Variants in TTC28 observed in about 807,000 individuals in gnomAD.
The protein encoded by TTC28 is tetratricopeptide repeat domain 28.
A neutral mutation model predicts 198.0 loss-of-function variants in TTC28; 61 were observed. The observed-to-expected ratio is 0.31, with a 90% CI of 0.25 to 0.38. TTC28 has a LOEUF of 0.38. TTC28 is among the 10% of genes least tolerant of loss of function. The pLI is 1.00. For synonymous variants in TTC28, 1,171 were observed against 1,297.8 expected, an observed-to-expected ratio of 0.90 and a Z score of 2.10; for missense variants, 2,678 against 3,164.0, an observed-to-expected ratio of 0.85 and a Z score of 3.69.
chr22:28,232,869 G>C (rs914993429), intron 5 of TTC28: 1 of 152,158 alleles, frequency 6.6e-6, no homozygotes, highest in African/African-American at 2.4e-5. Context: ...GGGAGGCTAA[G>C]GTGGGTGGAT....
At chr22:28,331,768 C>A (rs728820) in intron 2 of TTC28, among the ~76,000 whole-genome samples, 2 of 152,046 alleles carry the variant, frequency 1.3e-5, no homozygotes, top group African/African-American at 4.8e-5. Flanking sequence ...ATATTTACAT[C>A]TTTTATGTGG....
chr22:28,401,277 AT>A (rs2046905483), intron 2 of TTC28, among the ~76,000 whole-genome samples: 2 of 152,104 alleles, frequency 1.3e-5, no homozygotes. Context: ...CAGCTGAACT[AT>A]TTTCAGTGGG....
chr22:28,148,730 A>C (rs1039644944), intron 6 of TTC28, among the ~76,000 whole-genome samples: 3 of 152,204 alleles, frequency 2.0e-5, no homozygotes, highest in African/African-American at 7.2e-5. Flanking sequence ...GTTTACACCA[A>C]TGAGAATGTC....
intron 5 of TTC28, among the ~76,000 whole-genome samples, chr22:28,238,654 G>T (rs1364715717): frequency 2.0e-5 from 3 of 152,072 alleles, no homozygotes; most frequent in Non-Finnish European, 4.4e-5. Context: ...AGCCTTTTTA[G>T]GGTCTCTATT....
At chr22:28,336,344 T>C (rs573722994) in intron 2 of TTC28, among the ~76,000 whole-genome samples, 1 of 152,224 alleles carries the variant, frequency 6.6e-6, no homozygotes, top group African/African-American at 2.4e-5. Context: ...AGGATAATGC[T>C]GGCCTCATAA....
intron 2 of TTC28, among the ~76,000 whole-genome samples, chr22:28,335,000 A>C (rs961420633): frequency 6.6e-6 from 1 of 152,168 alleles, no homozygotes; most frequent in Non-Finnish European, 1.5e-5. Flanking sequence ...CTAATATTTA[A>C]GTCTTTAACC....
intron 2 of TTC28, among the ~76,000 whole-genome samples, chr22:28,372,968 T>C (rs1221931475): frequency 1.3e-5 from 2 of 152,260 alleles, no homozygotes; most frequent in East Asian, 1.9e-4. Flanking sequence ...GCTGAACCCC[T>C]CTTTTCTTCT....
intron 12 of TTC28, among the ~76,000 whole-genome samples, chr22:28,034,628 C>A (rs907566058): frequency 1.3e-5 from 2 of 152,182 alleles, no homozygotes; most frequent in African/African-American, 4.8e-5. Flanking sequence ...AGTCTTCTGT[C>A]TGGAGTTAGG....
At chr22:28,161,889 T>C (rs1219378805) in intron 6 of TTC28, among the ~76,000 whole-genome samples, 1 of 34,922 alleles carries the variant, frequency 2.9e-5, no homozygotes, top group East Asian at 9.7e-4. Context: ...GAGGAAGGGA[T>C]GAAGGGAAGG....
Position 28,219,696 on chromosome 22 carries a change from C to T in TTC28, c.934-56097G>A, listed in dbSNP as rs569634039. On this transcript the variant is annotated intron_variant, in intron 5 of 22. Coordinates refer to ENST00000397906, the MANE Select transcript of TTC28 (RefSeq NM_001145418.2). Reference sequence around the variant, plus strand: ...AGATCAAGAGAGGTTAAATGACTGACGATCAAAAGAACAAAATGGGAAAAT... The same window carrying T: ...AGATCAAGAGAGGTTAAATGACTGATGATCAAAAGAACAAAATGGGAAAAT... 1.1e-4 allele frequency among the ~76,000 whole-genome samples: 17 copies of T among 152,094 alleles called. 1 individual carries two copies. In the South Asian group the frequency reaches 1.2e-3, roughly 11 times the overall value.
At chr22:28,632,837 C>T (rs2051201526) in intron 1 of TTC28, among the ~76,000 whole-genome samples, 1 of 151,124 alleles carries the variant, frequency 6.6e-6, no homozygotes, top group Admixed American at 6.6e-5. Context: ...TAAAGAATTG[C>T]AGAGTAGGCT....
intron 2 of TTC28, among the ~76,000 whole-genome samples, chr22:28,420,436 T>C (rs1415720117): frequency 6.6e-6 from 1 of 152,066 alleles, no homozygotes; most frequent in Non-Finnish European, 1.5e-5. Context: ...GCTACAATAA[T>C]TCTCAAAAAC....
In TTC28 at chr22:28,629,814, G is replaced by A; in HGVS notation, c.119C>T (p.Ala40Val). 1 of 1,549,312 alleles carries A rather than the reference G, an allele frequency of 6.5e-7. No homozygotes were observed. ...AGGACTTCTCTGGCCAATAGTGTCA[G>A]CACCAAAGAGAGGAATCTACAAACA... ...PASAPIPLFG[A>V]DTIGQRSPDG... The change falls in exon 2 of 23, where the codon GCT (alanine) becomes GTT (valine). Residue 40 changes from alanine (A) to valine (V), a missense_variant. Physicochemically the swap from Ala to Val is moderately conservative, Grantham distance 64. Coordinates refer to ENST00000397906, the MANE Select transcript of TTC28 (RefSeq NM_001145418.2).
chr22:28,190,945 C>T (rs1924680110), intron 5 of TTC28, among the ~76,000 whole-genome samples: 1 of 152,138 alleles, frequency 6.6e-6, no homozygotes, highest in African/African-American at 2.4e-5. Flanking sequence ...TAAACTATAG[C>T]TCTGACTATG....
At chr22:28,192,162 G>A (rs1183048616) in intron 5 of TTC28, among the ~76,000 whole-genome samples, 1 of 152,188 alleles carries the variant, frequency 6.6e-6, no homozygotes, top group Non-Finnish European at 1.5e-5. Flanking sequence ...CTCCGCTGCT[G>A]ATACCCAGGC....
chr22:28,027,830 C>T (rs1938895768), intron 13 of TTC28, among the ~76,000 whole-genome samples: 1 of 152,232 alleles, frequency 6.6e-6, no homozygotes. Context: ...AGGGAAGCTG[C>T]GAGGCATGTT....
chr22:28,631,792 C>T (rs1418931174), intron 1 of TTC28, among the ~76,000 whole-genome samples: 1 of 152,112 alleles, frequency 6.6e-6, no homozygotes, highest in African/African-American at 2.4e-5. Flanking sequence ...TCCCAAACTG[C>T]TGGGACTACA....
chr22:28,140,245 C>T lies in TTC28; in HGVS notation c.1441+22847G>A, dbSNP rs139052956. 1.0e-3 allele frequency among the ~76,000 whole-genome samples: 152 copies of T among 152,298 alleles called. 1 individual carries two copies. Among genetic ancestry groups the T allele is most frequent in the African/African-American group, 3.5e-3 (144 of 41,562 alleles). On this transcript the variant is annotated intron_variant, in intron 6 of 22. Coordinates refer to ENST00000397906, the MANE Select transcript of TTC28 (RefSeq NM_001145418.2). ...GGAAATCCTTCAGCTGGAAGTCTTG[C>T]TAGGACAGAGGTATGTGCTGTATTG...
At chr22:28,617,230 G>A (rs1290537525) in intron 2 of TTC28, among the ~76,000 whole-genome samples, 1 of 151,980 alleles carries the variant, frequency 6.6e-6, no homozygotes, top group Non-Finnish European at 1.5e-5. Flanking sequence ...ACAGGTCTTG[G>A]TGGCTCACGC....
Sources: gnomAD v4.1 joint callset for allele counts (sites outside exome capture counted in the v4.1 genomes callset) on GRCh38, gnomAD v4.1.1 for gene constraint, MANE v1.5 for transcripts, NCBI Gene and HGNC (gene_info 2026-07-23, HGNC 2026-07-21) for gene names.